ABCE1: variants seen among roughly 807,000 people sequenced by gnomAD.
The protein encoded by ABCE1 is ATP binding cassette subfamily E member 1.
A neutral mutation model predicts 83.4 loss-of-function variants in ABCE1; 22 were observed. The ratio of observed to expected loss-of-function variants is 0.26; its 90% CI spans 0.19 to 0.38. The LOEUF is 0.38. Ranked by LOEUF, ABCE1 falls within the 10% of genes least tolerant of loss-of-function variation. The probability of loss-of-function intolerance (pLI) is 1.00; values close to 1 mark genes in which losing one functional copy is unlikely to be tolerated. For synonymous variants in ABCE1, 204 were observed against 233.7 expected, an observed-to-expected ratio of 0.87 and a Z score of 1.16; for missense variants, 330 against 721.9, an observed-to-expected ratio of 0.46 and a Z score of 6.22.
At chr4:145,119,429 G>C (rs1749683855) in intron 10 of ABCE1, among the ~76,000 whole-genome samples, 1 of 151,638 alleles carries the variant, frequency 6.6e-6, no homozygotes, top group Middle Eastern at 3.2e-3. Context: ...ATGTTAACTG[G>C]AATTAGCTCA....
intron 13 of ABCE1, chr4:145,122,811 GAAA>G: frequency 2.6e-6 from 1 of 388,772 alleles, no homozygotes; most frequent in Non-Finnish European, 4.6e-6. Flanking sequence ...TGTCTCAAAA[GAAA>G]AAAAAAAATT....
intron 2 of ABCE1, 35 bp downstream of exon 2, chr4:145,104,550 A>G: frequency 7.3e-7 from 1 of 1,370,470 alleles, no homozygotes; most frequent in Non-Finnish European, 9.9e-7. Context: ...AGTATAAAAG[A>G]AAACCATGAA....
Position 145,109,122 on chromosome 4 carries a change from C to A in ABCE1, c.288-10C>A. 6.3e-7 allele frequency: 1 copy of A among 1,576,736 alleles called. No homozygotes were observed. The highest frequency in any genetic ancestry group is 2.2e-5 in the East Asian group (1 of 44,504). On this transcript the variant is annotated splice_polypyrimidine_tract_variant and intron_variant, in intron 4 of 17. Transcript: ENST00000296577. ...TGAGTTGTTTTATTATTTTTGTATA[C>A]TTGTAACAGGTTGCCTATCCCTCGT...
intron 5 of ABCE1, 47 bp from the exon 6 acceptor site, chr4:145,110,056 T>C: frequency 3.4e-6 from 5 of 1,458,232 alleles, no homozygotes; most frequent in Non-Finnish European, 4.6e-6. Context: ...CTCTTTGTCA[T>C]TGTATTATTA....
intron 17 of ABCE1, among the ~76,000 whole-genome samples, chr4:145,125,793 A>C (rs1749864950): frequency 6.6e-6 from 1 of 152,184 alleles, no homozygotes. Flanking sequence ...GGCCAAGCGC[A>C]GTGGTTTATG....
chr4:145,101,358 AG>A (rs1019285638), intron 1 of ABCE1, among the ~76,000 whole-genome samples: 1 of 152,210 alleles, frequency 6.6e-6, no homozygotes, highest in African/African-American at 2.4e-5. Flanking sequence ...GCCATACAAG[AG>A]CTAGAGTAGT....
Position 145,115,540 on chromosome 4 carries a change from CT to C in ABCE1, c.801-1744del, listed in dbSNP as rs4148242. The stretch of plus-strand genomic sequence containing the variant: ...CTTATTTTCCAATTTTCCATTGTTA[CT>C]TTTTTTTTCTTGCCAGATTACTCCT... On this transcript the variant is annotated intron_variant, in intron 9 of 17. Coordinates refer to ENST00000296577, the MANE Select transcript of ABCE1 (RefSeq NM_002940.3). Among the ~76,000 whole-genome samples, 11 of 151,264 alleles carry C rather than the reference CT, an allele frequency of 7.3e-5. No homozygotes were observed. The South Asian group carries it at 1.0e-3, about 14-fold the overall frequency.
At chr4:145,123,180 T>C in intron 14 of ABCE1, 35 bp from the exon 15 acceptor site, 1 of 1,585,670 alleles carries the variant, frequency 6.3e-7, no homozygotes, top group Non-Finnish European at 8.5e-7. Flanking sequence ...GAATTTTGGA[T>C]GCCTTTACAT....
intron 16 of ABCE1, 103 bp downstream of exon 16, chr4:145,123,703 T>C (rs976284065): frequency 1.6e-5 from 19 of 1,189,950 alleles, no homozygotes; most frequent in Non-Finnish European, 2.2e-5. Context: ...CTAGAAATTC[T>C]AGACTTGATT....
chr4:145,107,667 G>A (rs986645752), intron 3 of ABCE1, among the ~76,000 whole-genome samples: 1 of 152,190 alleles, frequency 6.6e-6, no homozygotes, highest in Admixed American at 6.5e-5. Context: ...AATGCCAATT[G>A]GAAATAGAGT....
intron 5 of ABCE1, 78 bp from the exon 6 acceptor site, chr4:145,110,025 C>CT: frequency 7.8e-7 from 1 of 1,274,332 alleles, no homozygotes; most frequent in Non-Finnish European, 1.1e-6. Context: ...CATATATAAT[C>CT]TATTTCCTGT....
chr4:145,120,408 GT>G (rs770438520), intron 11 of ABCE1, among the ~76,000 whole-genome samples: 4 of 152,024 alleles, frequency 2.6e-5, no homozygotes, highest in Non-Finnish European at 5.9e-5. Context: ...TTGTCAGCTG[GT>G]TTTTTACATG....
At chr4:145,116,268 A>G (rs1242998379) in intron 9 of ABCE1, among the ~76,000 whole-genome samples, 1 of 151,954 alleles carries the variant, frequency 6.6e-6, no homozygotes, top group Non-Finnish European at 1.5e-5. Flanking sequence ...AATTAATTTA[A>G]GTGATTAATT....
At chr4:145,104,262 A>AT (rs4148237) in intron 1 of ABCE1, 124 bp from the exon 2 acceptor site, 6,329 of 355,832 alleles carry the variant, frequency 0.018, 4 homozygotes, top group Middle Eastern at 0.026. Context: ...CAAAATTTAT[A>AT]TTTTTTTTTT....
rs1199000241 is a variant in ABCE1 at position 145,104,375 on chromosome 4, T to G, written c.-27-11T>G. ...CTAATGGCATTAAATTTGTTGATTT[T>G]TCTTTCATAGAAGAGCTGGATATTC... On this transcript the variant is annotated splice_polypyrimidine_tract_variant and intron_variant, in intron 1 of 17. Coordinates refer to ENST00000296577, the MANE Select transcript of ABCE1 (RefSeq NM_002940.3). The G allele has an allele frequency of 2.1e-6, 3 of 1,407,402 alleles. No homozygotes were observed. The highest frequency in any genetic ancestry group is 2.9e-6 in the Non-Finnish European group (3 of 1,026,552). 87.2% of individuals were successfully genotyped at this position (1,407,402 alleles called of 1,614,324 possible).
chr4:145,117,136 T>C (rs953344956), intron 9 of ABCE1, among the ~76,000 whole-genome samples, 157 bp from the exon 10 acceptor site: 5 of 151,982 alleles, frequency 3.3e-5, no homozygotes, highest in African/African-American at 1.2e-4. Flanking sequence ...TTTTTAAATA[T>C]GAGCATTGAT....
chr4:145,119,812 A>C, intron 10 of ABCE1, 120 bp from the exon 11 acceptor site: 1 of 686,272 alleles, frequency 1.5e-6, no homozygotes, highest in Non-Finnish European at 2.5e-6. Flanking sequence ...TTATATGCAG[A>C]CCAACATGTT....
chr4:145,109,960 T>C, intron 5 of ABCE1, 143 bp from the exon 6 acceptor site: 3 of 701,460 alleles, frequency 4.3e-6, no homozygotes, highest in South Asian at 5.2e-5. Flanking sequence ...AATGAGACTT[T>C]TATTAATTAT....
chr4:145,113,892 ATAAAAT>A (rs1482264924), intron 9 of ABCE1, among the ~76,000 whole-genome samples: 1 of 152,130 alleles, frequency 6.6e-6, no homozygotes, highest in Non-Finnish European at 1.5e-5. Flanking sequence ...CAGAGAGAGA[ATAAAAT>A]TAAAATGTGG....
Sources: allele counts gnomAD v4.1 joint callset (sites outside exome capture counted in the v4.1 genomes callset), GRCh38; gene constraint gnomAD v4.1.1; transcripts MANE v1.5; gene names NCBI Gene and HGNC (gene_info 2026-07-23, HGNC 2026-07-21).